The following ZNRF3 variants were observed in gnomAD, a reference collection of about 807,000 sequenced individuals.
ZNRF3 encodes E3 ubiquitin-protein ligase ZNRF3.
In ZNRF3, 23 loss-of-function variants were observed where a neutral mutation model predicts 72.5. The observed-to-expected ratio is 0.32, with a 90% confidence interval of 0.23 to 0.45. The LOEUF is 0.45. Ranked by LOEUF, ZNRF3 falls within the 20% of genes least tolerant of loss-of-function variation. ZNRF3 has a pLI of 1.00. For synonymous variants in ZNRF3, 610 were observed against 545.3 expected, an observed-to-expected ratio of 1.12 and a Z score of -1.65; for missense variants, 1,169 against 1,272.1, an observed-to-expected ratio of 0.92 and a Z score of 1.23.
At chr22:28,893,849 G>A (rs1453433010) in intron 1 of ZNRF3, among the ~76,000 whole-genome samples, 1 of 152,156 alleles carries the variant, frequency 6.6e-6, no homozygotes, top group African/African-American at 2.4e-5. Flanking sequence ...TGAGTTAAGT[G>A]ATATAAACAT....
intron 2 of ZNRF3, among the ~76,000 whole-genome samples, chr22:29,034,681 A>G (rs1015244434): frequency 2.0e-5 from 3 of 152,234 alleles, no homozygotes; most frequent in South Asian, 2.1e-4. Context: ...GGGAAAGGCT[A>G]CTATAGAGAT....
chr22:28,940,801 T>G (rs1346044614), intron 1 of ZNRF3, among the ~76,000 whole-genome samples: 1 of 152,180 alleles, frequency 6.6e-6, no homozygotes, highest in Non-Finnish European at 1.5e-5. Context: ...TTTACTCTCC[T>G]CCGTAATTTA....
chr22:28,894,546 G>A (rs973870558), intron 1 of ZNRF3, among the ~76,000 whole-genome samples: 7 of 152,136 alleles, frequency 4.6e-5, no homozygotes, highest in Admixed American at 3.3e-4. Flanking sequence ...GGTGGGGACC[G>A]CTGTGCTGTC....
Position 29,046,845 on chromosome 22 carries a change from G to A in ZNRF3, c.874G>A (p.Asp292Asn), listed in dbSNP as rs761454158. The A allele has an allele frequency of 6.8e-6, 11 of 1,606,908 alleles. No homozygotes were observed. The highest frequency in any genetic ancestry group is 6.8e-5 in the Admixed American group (4 of 59,198). The change falls in exon 6 of 9, where the codon GAC becomes AAC. Residue 292 changes from aspartate to asparagine, a missense_variant. Transcript: ENST00000544604. ...CACACTCAGCAGCAGCTCCACGTCC[G>A]ACTGTGCCATCTGTCTGGAGAAGTA... is the stretch of plus-strand genomic sequence containing the variant. ...LDTLSSSSTS[D>N]CAICLEKYID...
intron 1 of ZNRF3, among the ~76,000 whole-genome samples, chr22:28,933,880 A>G (rs1394843169): frequency 6.9e-6 from 1 of 145,188 alleles, no homozygotes; most frequent in Non-Finnish European, 1.5e-5. Flanking sequence ...CTCTTTTCTT[A>G]TTTGGGATAC....
intron 1 of ZNRF3, among the ~76,000 whole-genome samples, chr22:28,936,695 A>G (rs1364259987): frequency 1.3e-5 from 2 of 152,192 alleles, no homozygotes; most frequent in Non-Finnish European, 2.9e-5. Context: ...AAGTGGCTCT[A>G]AGAAGTAGTG....
At chr22:28,993,583 G>A (rs531457009) in intron 2 of ZNRF3, among the ~76,000 whole-genome samples, 4 of 152,310 alleles carry the variant, frequency 2.6e-5, no homozygotes, top group South Asian at 2.1e-4. Context: ...ACAGAGAACC[G>A]AGTCAAAGGA....
At chr22:28,890,613 A>G (rs1198018558) in intron 1 of ZNRF3, among the ~76,000 whole-genome samples, 1 of 152,194 alleles carries the variant, frequency 6.6e-6, no homozygotes, top group Non-Finnish European at 1.5e-5. Flanking sequence ...AGTATTGACA[A>G]AGCCTTAAAG....
chr22:28,915,739 C>T (rs942174563), intron 1 of ZNRF3, among the ~76,000 whole-genome samples: 4 of 152,098 alleles, frequency 2.6e-5, no homozygotes, highest in African/African-American at 4.8e-5. Flanking sequence ...TGATGATTTC[C>T]GAAAAAGATT....
At chr22:28,937,064 A>G (rs948695570) in intron 1 of ZNRF3, among the ~76,000 whole-genome samples, 2 of 151,592 alleles carry the variant, frequency 1.3e-5, no homozygotes, top group African/African-American at 2.4e-5. Context: ...CTATCTTTTA[A>G]ACTCTTAGCT....
At chr22:29,010,831 A>G (rs2123852558) in intron 2 of ZNRF3, among the ~76,000 whole-genome samples, 1 of 152,140 alleles carries the variant, frequency 6.6e-6, no homozygotes, top group Admixed American at 6.6e-5. Context: ...CACCATGCCC[A>G]ACTAATTTTT....
At position 29,052,608 on chromosome 22, in the gene ZNRF3, G is replaced by A. The variant is rs892630170; in HGVS notation, c.2768-971G>A. Among the ~76,000 whole-genome samples the A allele has an allele frequency of 2.0e-4, 30 of 151,760 alleles. 1 individual carries two copies. Among genetic ancestry groups the A allele is most frequent in the Admixed American group, 1.6e-3 (24 of 15,224 alleles). On this transcript the variant is annotated intron_variant, in intron 8 of 8. Coordinates refer to ENST00000544604, the MANE Select transcript of ZNRF3 (RefSeq NM_001206998.2). ...CTCGGGAGGCTGAGGCAGGAGAATC[G>A]CTTGAACCCGGGACGCCGTTGTTGC...
intron 1 of ZNRF3, among the ~76,000 whole-genome samples, chr22:28,898,705 G>T (rs1010431683): frequency 3.3e-5 from 5 of 152,216 alleles, no homozygotes; most frequent in African/African-American, 9.7e-5. Flanking sequence ...CCCTTTGGAA[G>T]CTCTGGCATG....
intron 2 of ZNRF3, among the ~76,000 whole-genome samples, chr22:29,015,917 GA>G (rs2036422242): frequency 6.6e-6 from 1 of 150,934 alleles, no homozygotes; most frequent in African/African-American, 2.4e-5. Flanking sequence ...TCAGGAGGCT[GA>G]GGAAGGAGAA....
intron 1 of ZNRF3, among the ~76,000 whole-genome samples, chr22:28,955,172 C>G (rs2035237464): frequency 6.6e-6 from 1 of 151,310 alleles, no homozygotes; most frequent in African/African-American, 2.4e-5. Context: ...TCTGGAGTAG[C>G]TGGGTCTACA....
chr22:28,997,972 T>G, intron 2 of ZNRF3, among the ~76,000 whole-genome samples: 2 of 126,428 alleles, frequency 1.6e-5, no homozygotes, highest in African/African-American at 3.1e-5. Flanking sequence ...CAACTGAGAG[T>G]GAGACCCTGG....
chr22:29,050,011 G>T lies in ZNRF3; in HGVS notation c.1830G>T (p.Ala610=), dbSNP rs560006529. The T allele has an allele frequency of 3.7e-6, 6 of 1,611,204 alleles. No individual in the cohort carries two copies. Among genetic ancestry groups the T allele is most frequent in the Non-Finnish European group, 4.2e-6 (5 of 1,179,270 alleles). The change falls in exon 8 of 9, where the codon GCG becomes GCT. Residue 610 remains alanine (A), a synonymous_variant. Coordinates refer to ENST00000544604, the MANE Select transcript of ZNRF3 (RefSeq NM_001206998.2). The part of the protein sequence containing the change: ...RSRSPCRASE[A]GGSGSSGRGP... ...GGAGCCCCTGTCGTGCCAGTGAGGC[G>T]GGGGGCTCGGGCAGCTCGGGCCGGG...
intron 2 of ZNRF3, among the ~76,000 whole-genome samples, chr22:29,011,462 A>G (rs1434120112): frequency 6.6e-6 from 1 of 152,266 alleles, no homozygotes; most frequent in Non-Finnish European, 1.5e-5. Context: ...GCAGAGAACC[A>G]AAGGCAGAGG....
intron 1 of ZNRF3, chr22:28,986,766 C>A: frequency 3.3e-6 from 2 of 600,596 alleles, no homozygotes; most frequent in South Asian, 7.4e-5. Flanking sequence ...TTTAGATTGG[C>A]ATTTATATGG....
Sources: allele counts gnomAD v4.1 joint callset (sites outside exome capture counted in the v4.1 genomes callset), GRCh38; gene constraint gnomAD v4.1.1; transcripts MANE v1.5; gene names NCBI Gene and HGNC (gene_info 2026-07-23, HGNC 2026-07-21).